The following RSPH9 variants were observed in gnomAD, a reference collection of about 807,000 sequenced individuals.
RSPH9 encodes radial spoke head component 9.
In RSPH9, 27 loss-of-function variants were observed where a neutral mutation model predicts 27.0. The observed-to-expected ratio is 1.00, with a 90% CI of 0.74 to 1.38. The LOEUF (loss-of-function observed/expected upper bound fraction) is 1.38. Ranked by LOEUF, RSPH9 falls within the 40% of genes most tolerant of loss-of-function variation. The probability of loss-of-function intolerance (pLI) is 0.00; values close to 1 mark genes in which losing one functional copy is unlikely to be tolerated. For synonymous variants in RSPH9, 145 were observed against 147.7 expected, an observed-to-expected ratio of 0.98 and a Z score of 0.13; for missense variants, 347 against 357.4, an observed-to-expected ratio of 0.97 and a Z score of 0.24.
At position 43,651,107 on chromosome 6, in the gene RSPH9, A is replaced by G. The variant is rs530263404; in HGVS notation, c.393+567A>G. 8.6e-5 allele frequency among the ~76,000 whole-genome samples: 13 copies of G among 151,944 alleles called. No homozygotes were observed. The East Asian group carries it at 2.3e-3, about 27-fold the overall frequency. On this transcript the variant is annotated intron_variant, in intron 2 of 4. Transcript: ENST00000372163. ...AGCATCCCTGATGACTAATGTTATT[A>G]TTATCTTTGTGACACGTTGGTTATT...
chr6:43,647,764 T>C (rs1025200709), intron 1 of RSPH9, among the ~76,000 whole-genome samples: 1 of 152,224 alleles, frequency 6.6e-6, no homozygotes, highest in Admixed American at 6.5e-5. Flanking sequence ...TCATTTCATT[T>C]TATTCTATAA....
At chr6:43,650,621 A>C in intron 2 of RSPH9, 81 bp downstream of exon 2, 1 of 1,520,492 alleles carries the variant, frequency 6.6e-7, no homozygotes, top group East Asian at 2.3e-5. Flanking sequence ...AAATTATGGC[A>C]ACAGGCTGGG....
chr6:43,658,028 G>A (rs886313606), intron 4 of RSPH9, among the ~76,000 whole-genome samples: 2 of 152,126 alleles, frequency 1.3e-5, no homozygotes, highest in East Asian at 1.9e-4. Context: ...GGTGGCTCAC[G>A]CCTGTGATCC....
chr6:43,650,431 A>G lies in RSPH9; in HGVS notation c.284A>G (p.Gln95Arg), dbSNP rs1771326055. The part of the protein sequence containing the change: ...LPPATEEMVA[Q>R]SSVVKGRFMG... ...CCTGCCACAGAGGAGATGGTGGCGC[A>G]GTCGTCTGTGGTGAAGGGCCGCTTC... Residue 95 changes from glutamine (Q) to arginine (R), a missense_variant, in exon 2 of 5, where the codon CAG (glutamine) becomes CGG (arginine). Gln to Arg is a conservative substitution (Grantham distance 43). Transcript: ENST00000372163. 1.2e-6 allele frequency: 2 copies of G among 1,614,000 alleles called. No individual in the cohort carries two copies. The highest frequency in any genetic ancestry group is 2.7e-5 in the African/African-American group (2 of 74,954).
At chr6:43,665,558 G>A (rs75296149) in intron 4 of RSPH9, among the ~76,000 whole-genome samples, 3,021 of 152,304 alleles carry the variant, frequency 0.02, 94 homozygotes, top group African/African-American at 0.068. Context: ...GCAGGTGGGT[G>A]AGCTGCAGTG....
In RSPH9 at chr6:43,652,464, C is replaced by T. The variant is rs76007279; in HGVS notation, c.393+1924C>T. ...TTTTTGAGATGGAGTCTCGCTGTCA[C>T]ACCCAGGCTGGAGTACAGTAGTATG... On this transcript the variant is annotated intron_variant, in intron 2 of 4. Transcript: ENST00000372163. Among the ~76,000 whole-genome samples the T allele has an allele frequency of 1.7e-4, 26 of 150,022 alleles. No homozygotes were observed. In the East Asian group the frequency reaches 5.1e-3, roughly 30 times the overall value.
At chr6:43,665,593 C>G (rs558163437) in intron 4 of RSPH9, among the ~76,000 whole-genome samples, 1 of 152,174 alleles carries the variant, frequency 6.6e-6, no homozygotes, top group Non-Finnish European at 1.5e-5. Context: ...GCATCCTGCC[C>G]TGATGGTGAC....
rs888702543 is a variant in RSPH9, at chr6:43,645,225, C to T, written c.127C>T (p.Arg43Trp). 6.2e-7 allele frequency: 1 copy of T among 1,613,968 alleles called. No individual in the cohort carries two copies. Among genetic ancestry groups the T allele is most frequent in the African/African-American group, 1.3e-5 (1 of 74,936 alleles). ...GGTTAAGCGCGACTACCGCTATGAT[C>T]GGGTTCTCTTCTGGGGCCGCATCCT... ...MLVKRDYRYDRVLFWGRILGL... is the reference protein window; with the variant it reads ...MLVKRDYRYDWVLFWGRILGL... Residue 43 changes from arginine (R) to tryptophan (W), a missense_variant, in exon 1 of 5, where the codon CGG (arginine) becomes TGG (tryptophan). Coordinates refer to ENST00000372163, the MANE Select transcript of RSPH9 (RefSeq NM_152732.5).
rs547263806 is a variant in RSPH9, at chr6:43,653,693, C to T, written c.394-1869C>T. 7.2e-5 allele frequency among the ~76,000 whole-genome samples: 11 copies of T among 152,166 alleles called. No individual in the cohort carries two copies. The South Asian group carries it at 2.1e-3, about 29-fold the overall frequency. ...CTCCTACCTGATTGACTTAATCTTCCTGAGCCTGTTTTTTTTGAGACGGAG... is the reference window on the plus strand; with the variant it reads ...CTCCTACCTGATTGACTTAATCTTCTTGAGCCTGTTTTTTTTGAGACGGAG... On this transcript the variant is annotated intron_variant, in intron 2 of 4. Transcript: ENST00000372163.
At chr6:43,659,208 A>ACT (rs1299909330) in intron 4 of RSPH9, among the ~76,000 whole-genome samples, 1 of 147,680 alleles carries the variant, frequency 6.8e-6, no homozygotes, top group Non-Finnish European at 1.5e-5. Flanking sequence ...ATCCGCAGTT[A>ACT]CTTCCTCCAC....
intron 3 of RSPH9, among the ~76,000 whole-genome samples, 195 bp downstream of exon 3, chr6:43,655,886 G>A (rs1426187923): frequency 6.6e-6 from 1 of 152,142 alleles, no homozygotes; most frequent in Non-Finnish European, 1.5e-5. Flanking sequence ...CCTGGCCCCT[G>A]ACTCTCTTCA....
intron 3 of RSPH9, among the ~76,000 whole-genome samples, chr6:43,655,999 T>C (rs952311751): frequency 8.0e-6 from 1 of 125,728 alleles, no homozygotes; most frequent in African/African-American, 3.8e-5. Flanking sequence ...CTTCCTTCCT[T>C]CCTTCCTTCC....
At chr6:43,657,993 GA>G (rs1481876092) in intron 4 of RSPH9, among the ~76,000 whole-genome samples, 1 of 152,096 alleles carries the variant, frequency 6.6e-6, no homozygotes, top group Non-Finnish European at 1.5e-5. Context: ...GGACTCAAAT[GA>G]AAATGAACAC....
At position 43,656,741 on chromosome 6, in the gene RSPH9, G is replaced by A; in HGVS notation, c.670+18G>A. 1 of 1,612,140 alleles carries A rather than the reference G, an allele frequency of 6.2e-7. No homozygotes were observed. Among genetic ancestry groups the A allele is most frequent in the Non-Finnish European group, 8.5e-7 (1 of 1,178,674 alleles). ...TCCCAAAGGTAATAGTCCATTACCT[G>A]GAGGCCATGGGATCTGTCCTCAGGC... is the stretch of plus-strand genomic sequence containing the variant. On this transcript the variant is annotated intron_variant, in intron 4 of 4. Transcript: ENST00000372163.
chr6:43,661,660 C>CAAAAA (rs758308013), intron 4 of RSPH9, among the ~76,000 whole-genome samples: 4 of 90,770 alleles, frequency 4.4e-5, no homozygotes, highest in Non-Finnish European at 6.2e-5. Context: ...GACTCTGTCT[C>CAAAAA]AAAAAAAAAA....
At chr6:43,661,660 CA>C (rs758308013) in intron 4 of RSPH9, among the ~76,000 whole-genome samples, 5,894 of 90,662 alleles carry the variant, frequency 0.065, 251 homozygotes, top group African/African-American at 0.23. Flanking sequence ...GACTCTGTCT[CA>C]AAAAAAAAAA....
At chr6:43,650,032 G>A (rs1330144871) in intron 1 of RSPH9, among the ~76,000 whole-genome samples, 2 of 152,158 alleles carry the variant, frequency 1.3e-5, no homozygotes, top group Non-Finnish European at 2.9e-5. Context: ...TCCTGCCTTA[G>A]CCTCCTGAGT....
chr6:43,648,670 G>C (rs1307336266), intron 1 of RSPH9, among the ~76,000 whole-genome samples: 2 of 152,188 alleles, frequency 1.3e-5, no homozygotes, highest in Non-Finnish European at 2.9e-5. Flanking sequence ...TAGTCCAAAG[G>C]GGGAATAGAT....
At chr6:43,655,791 T>G (rs1483307207) in intron 3 of RSPH9, 100 bp downstream of exon 3, 5 of 1,397,388 alleles carry the variant, frequency 3.6e-6, no homozygotes, top group Non-Finnish European at 5.0e-6. Flanking sequence ...ACACACTTTA[T>G]CAGAGAAGGA....
Sources: allele counts gnomAD v4.1 joint callset (sites outside exome capture counted in the v4.1 genomes callset), GRCh38; gene constraint gnomAD v4.1.1; transcripts MANE v1.5; gene names NCBI Gene and HGNC (gene_info 2026-07-23, HGNC 2026-07-21).